LRP1B: variants seen among roughly 807,000 people sequenced by gnomAD.
LRP1B encodes LDL receptor related protein 1B.
Under a neutral mutation model 556.6 loss-of-function variants are expected in LRP1B, and 217 were observed. That is an observed-to-expected ratio of 0.39 (90% confidence interval 0.35 to 0.44). The LOEUF (loss-of-function observed/expected upper bound fraction) is 0.44, where lower values mean the gene tolerates loss of function less well. Among genes scored for constraint, LRP1B ranks in the 20% least tolerant of loss-of-function variants. The pLI is 1.00. For synonymous variants in LRP1B, 2,047 were observed against 1,865.8 expected, an observed-to-expected ratio of 1.10 and a Z score of -2.50; for missense variants, 5,053 against 5,620.8, an observed-to-expected ratio of 0.90 and a Z score of 3.23.
intron 23 of LRP1B, among the ~76,000 whole-genome samples, chr2:140,893,310 T>C (rs560193897): frequency 1.3e-5 from 2 of 152,340 alleles, no homozygotes; most frequent in East Asian, 1.9e-4. Flanking sequence ...ATAAAATATT[T>C]TGATTCAATC....
rs545573279 is a variant in LRP1B at position 141,972,265 on chromosome 2, T to C, written c.82+158383A>G. The stretch of plus-strand genomic sequence containing the variant: ...TTTGTTTAAAGAATTTTTTAAAGTA[T>C]ATGTTAGTTGATTTAGATTGAGTAT... On this transcript the variant is annotated intron_variant, in intron 1 of 90. Coordinates refer to ENST00000389484, the MANE Select transcript of LRP1B (RefSeq NM_018557.3). Among the ~76,000 whole-genome samples, 6 of 151,758 alleles carry C rather than the reference T, an allele frequency of 4.0e-5. No individual in the cohort carries two copies. In the South Asian group the frequency reaches 1.0e-3, roughly 26 times the overall value.
rs139144090 is a variant in LRP1B, at chr2:140,384,141, A to T, written c.10531+1752T>A. Among the ~76,000 whole-genome samples, 3 of 152,274 alleles carry T rather than the reference A, an allele frequency of 2.0e-5. No homozygotes were observed. In the East Asian group the frequency reaches 5.8e-4, roughly 29 times the overall value. ...TAGATTCAACCACACCATGAATAAA[A>T]GTTCTCCAAGACATGTCTACAGAGT... On this transcript the variant is annotated intron_variant, in intron 67 of 90. Transcript: ENST00000389484.
chr2:140,838,355 C>T (rs2105091554), intron 31 of LRP1B, among the ~76,000 whole-genome samples: 1 of 152,248 alleles, frequency 6.6e-6, no homozygotes, highest in Middle Eastern at 3.4e-3. Flanking sequence ...TCATTTTCCA[C>T]ATAGAAGTAT....
At chr2:141,920,814 A>T (rs1279016828) in intron 1 of LRP1B, among the ~76,000 whole-genome samples, 1 of 151,988 alleles carries the variant, frequency 6.6e-6, no homozygotes, top group African/African-American at 2.4e-5. Context: ...AATAATATGG[A>T]TTCATATTTT....
At chr2:141,323,239 G>A (rs775838516) in intron 3 of LRP1B, among the ~76,000 whole-genome samples, 3 of 151,882 alleles carry the variant, frequency 2.0e-5, no homozygotes, top group Non-Finnish European at 2.9e-5. Flanking sequence ...ATAAATTTAC[G>A]TAGTTCCATA....
intron 41 of LRP1B, among the ~76,000 whole-genome samples, chr2:140,623,574 T>G (rs763440320): frequency 1.8e-4 from 28 of 152,194 alleles, no homozygotes; most frequent in Non-Finnish European, 2.8e-4. Context: ...ACACAAAATT[T>G]TAATAGATTA....
At chr2:141,935,942 A>G (rs1278842057) in intron 1 of LRP1B, among the ~76,000 whole-genome samples, 1 of 152,230 alleles carries the variant, frequency 6.6e-6, no homozygotes, top group Non-Finnish European at 1.5e-5. Flanking sequence ...AATATACTTT[A>G]CTACATTAAC....
intron 1 of LRP1B, among the ~76,000 whole-genome samples, chr2:141,905,721 C>A (rs941522649): frequency 1.2e-4 from 18 of 148,048 alleles, no homozygotes; most frequent in African/African-American, 4.5e-4. Context: ...CACCTTCATT[C>A]ATATAACCAT....
Position 140,877,201 on chromosome 2 carries a change from A to G in LRP1B, c.4169+6616T>C, listed in dbSNP as rs1410121393. ...GCAACCTATTTAAAGCCACATATAT[A>G]AACGACTTTCGAAGCTGCCTACTGA... is the stretch of plus-strand genomic sequence containing the variant. On this transcript the variant is annotated intron_variant, in intron 25 of 90. Transcript: ENST00000389484. Among the ~76,000 whole-genome samples the G allele has an allele frequency of 1.3e-5, 2 of 152,216 alleles. 1 individual carries two copies. The highest frequency in any genetic ancestry group is 2.9e-5 in the Non-Finnish European group (2 of 68,048).
At chr2:140,453,068 C>G (rs1686949855) in intron 62 of LRP1B, among the ~76,000 whole-genome samples, 1 of 147,990 alleles carries the variant, frequency 6.8e-6, no homozygotes, top group Non-Finnish European at 1.5e-5. Context: ...ATTAAAATTT[C>G]TAGTCATTAC....
intron 14 of LRP1B, among the ~76,000 whole-genome samples, chr2:141,011,606 T>G (rs968558853): frequency 6.6e-6 from 1 of 152,084 alleles, no homozygotes; most frequent in Non-Finnish European, 1.5e-5. Context: ...TCACCTAAGT[T>G]AATAAAAATT....
At chr2:140,852,843 C>A (rs1692500776) in intron 27 of LRP1B, among the ~76,000 whole-genome samples, 1 of 151,206 alleles carries the variant, frequency 6.6e-6, no homozygotes, top group Admixed American at 6.6e-5. Flanking sequence ...GTCATCATGT[C>A]TTTTGGATAA....
At chr2:141,609,923 C>G (rs1034949016) in intron 2 of LRP1B, among the ~76,000 whole-genome samples, 4 of 152,094 alleles carry the variant, frequency 2.6e-5, no homozygotes, top group Non-Finnish European at 2.9e-5. Flanking sequence ...TAATGTATGT[C>G]CTGTTCAATA....
intron 35 of LRP1B, among the ~76,000 whole-genome samples, chr2:140,748,201 ATAT>A (rs1370122647): frequency 4.2e-5 from 5 of 118,522 alleles, no homozygotes; most frequent in Non-Finnish European, 8.7e-5. Flanking sequence ...ATATTCATAT[ATAT>A]TATATTCTTA....
intron 3 of LRP1B, among the ~76,000 whole-genome samples, chr2:141,275,137 C>T (rs1028033564): frequency 3.9e-5 from 6 of 152,156 alleles, no homozygotes; most frequent in African/African-American, 1.4e-4. Flanking sequence ...CCAGTCTAAA[C>T]TACAACAAAT....
intron 3 of LRP1B, among the ~76,000 whole-genome samples, chr2:141,366,761 T>A (rs1689050567): frequency 6.6e-6 from 1 of 152,206 alleles, no homozygotes; most frequent in African/African-American, 2.4e-5. Flanking sequence ...TTGTTGCCCA[T>A]CAATTTAGAA....
intron 7 of LRP1B, among the ~76,000 whole-genome samples, chr2:141,138,185 T>C (rs895063588): frequency 6.6e-6 from 1 of 151,962 alleles, no homozygotes; most frequent in African/African-American, 2.4e-5. Flanking sequence ...ATCATCTCAA[T>C]AGACAAAAAA....
At chr2:141,088,362 C>T (rs899369292) in intron 7 of LRP1B, among the ~76,000 whole-genome samples, 1 of 152,122 alleles carries the variant, frequency 6.6e-6, no homozygotes, top group African/African-American at 2.4e-5. Context: ...TTTATAGAAG[C>T]AGGTTTATTG....
chr2:141,355,967 C>A (rs1285601748), intron 3 of LRP1B, among the ~76,000 whole-genome samples: 1 of 151,904 alleles, frequency 6.6e-6, no homozygotes, highest in Non-Finnish European at 1.5e-5. Context: ...CCTAAATTAC[C>A]AAATTATCAG....
Sources: allele counts gnomAD v4.1 joint callset (sites outside exome capture counted in the v4.1 genomes callset), GRCh38; gene constraint gnomAD v4.1.1; transcripts MANE v1.5; gene names NCBI Gene and HGNC (gene_info 2026-07-23, HGNC 2026-07-21).